Variants in STMND1 observed in about 807,000 individuals in gnomAD.
STMND1 encodes the protein stathmin domain-containing protein 1.
A neutral mutation model predicts 23.0 loss-of-function variants in STMND1; 17 were observed. The ratio of observed to expected loss-of-function variants is 0.74; its 90% confidence interval spans 0.51 to 1.11. The LOEUF (loss-of-function observed/expected upper bound fraction) is 1.11. Ranked by LOEUF, STMND1 falls within the 50% of genes least tolerant of loss-of-function variation. The pLI, the probability that STMND1 is intolerant of heterozygous loss-of-function variation, is 0.00. For synonymous variants in STMND1, 114 were observed against 119.9 expected (o/e 0.95, Z 0.32); for missense variants, 305 against 329.1 (o/e 0.93, Z 0.57).
Position 17,107,555 on chromosome 6 carries a change from G to A in STMND1, c.81+5217G>A, listed in dbSNP as rs144616263. On this transcript the variant is annotated intron_variant, in intron 1 of 4. Transcript: ENST00000536551. ...CCAAGTATCATTACCTATATAATAT[G>A]CAGGTATACTTCTTTTCTTCTTCTT... 5.4e-3 allele frequency among the ~76,000 whole-genome samples: 818 copies of A among 152,038 alleles called. 7 individuals carry two copies. The highest frequency in any genetic ancestry group is 0.018 in the African/African-American group (765 of 41,472).
At position 17,130,870 on chromosome 6, in the gene STMND1, A is replaced by G. The variant is rs1174303085; in HGVS notation, c.820A>G (p.Ile274Val). ...SDMSYNQADD[I>V]VY ...CATGTCCTACAACCAAGCAGATGAC[A>G]TAGTCTACTAAGCCATTTTTTGTGA... is the stretch of plus-strand genomic sequence containing the variant. Residue 274 changes from isoleucine to valine, a missense_variant, in exon 5 of 5, where the codon ATA becomes GTA. Coordinates refer to ENST00000536551, the MANE Select transcript of STMND1 (RefSeq NM_001190766.2). 2.6e-6 allele frequency: 4 copies of G among 1,522,300 alleles called. No homozygotes were observed. In the South Asian group the frequency reaches 3.6e-5, roughly 14 times the overall value. The allele number at this position is 1,522,300 out of a possible 1,614,324, so 94.3% of individuals were successfully genotyped here.
chr6:17,125,175 A>C (rs1761280308), intron 3 of STMND1, among the ~76,000 whole-genome samples: 1 of 150,968 alleles, frequency 6.6e-6, no homozygotes, highest in South Asian at 2.1e-4. Context: ...AAAAAAATTA[A>C]GAGTTAAAGT....
At chr6:17,121,806 C>T (rs766674571) in intron 3 of STMND1, among the ~76,000 whole-genome samples, 16 of 151,590 alleles carry the variant, frequency 1.1e-4, no homozygotes, top group East Asian at 1.9e-4. Flanking sequence ...TTTTCTTCAG[C>T]GTGAATAATA....
chr6:17,108,968 C>A (rs1761062267), intron 1 of STMND1, among the ~76,000 whole-genome samples: 2 of 151,930 alleles, frequency 1.3e-5, no homozygotes, highest in African/African-American at 4.8e-5. Flanking sequence ...ATTTCCTTTT[C>A]TTTTGTTATA....
At chr6:17,124,542 C>T (rs933424595) in intron 3 of STMND1, among the ~76,000 whole-genome samples, 3 of 152,202 alleles carry the variant, frequency 2.0e-5, no homozygotes, top group African/African-American at 7.2e-5. Context: ...CCAGTATCTC[C>T]CTAGAGGTAA....
intron 3 of STMND1, among the ~76,000 whole-genome samples, chr6:17,125,318 C>T (rs181395913): frequency 1.2e-3 from 189 of 152,196 alleles, no homozygotes; most frequent in African/African-American, 4.5e-3. Flanking sequence ...GTACACATGT[C>T]GATATGTATA....
intron 3 of STMND1, among the ~76,000 whole-genome samples, chr6:17,123,390 A>G (rs1225703382): frequency 6.6e-6 from 1 of 152,204 alleles, no homozygotes; most frequent in African/African-American, 2.4e-5. Flanking sequence ...TATTAGGCCA[A>G]GATATCCCAA....
chr6:17,121,343 A>T (rs988049544), intron 3 of STMND1, among the ~76,000 whole-genome samples: 1 of 152,222 alleles, frequency 6.6e-6, no homozygotes, highest in African/African-American at 2.4e-5. Flanking sequence ...CCAGTAAAAC[A>T]CGTATTGGGT....
intron 3 of STMND1, among the ~76,000 whole-genome samples, chr6:17,123,309 G>T (rs976391009): frequency 6.6e-6 from 1 of 152,122 alleles, no homozygotes; most frequent in African/African-American, 2.4e-5. Context: ...AATGGTTGTT[G>T]GGAACGTTCT....
intron 2 of STMND1, among the ~76,000 whole-genome samples, chr6:17,119,413 G>T (rs894475098): frequency 2.0e-5 from 3 of 152,042 alleles, no homozygotes; most frequent in Non-Finnish European, 4.4e-5. Flanking sequence ...CATTGAGATT[G>T]GAAATTTTCA....
chr6:17,113,463 T>A (rs1761119975), intron 1 of STMND1, among the ~76,000 whole-genome samples: 1 of 152,156 alleles, frequency 6.6e-6, no homozygotes, highest in Non-Finnish European at 1.5e-5. Flanking sequence ...TTACTTAAAG[T>A]CAATTCATTA....
rs186229016 is a variant in STMND1, at chr6:17,130,753, G to A, written c.703G>A (p.Gly235Arg). Reference sequence around the variant, plus strand: ...ATTTGAACCATCTGACCTGCAGGGAGGAAAACCATTGAAGAGGAAGAAGAG... The same window carrying A: ...ATTTGAACCATCTGACCTGCAGGGAAGAAAACCATTGAAGAGGAAGAAGAG... ...AGFEPSDLQG[G>R]KPLKRKKSKC... Residue 235 changes from glycine (G) to arginine (R), a missense_variant, in exon 5 of 5, where the codon GGA becomes AGA. Gly to Arg is a moderately radical substitution (Grantham distance 125). Transcript: ENST00000536551. 37 of 1,536,062 alleles carry A rather than the reference G, an allele frequency of 2.4e-5. No homozygotes were observed. In the African/African-American group the frequency reaches 3.4e-4, roughly 14 times the overall value.
intron 2 of STMND1, among the ~76,000 whole-genome samples, chr6:17,119,608 G>A (rs1761203405): frequency 6.6e-6 from 1 of 151,912 alleles, no homozygotes; most frequent in Non-Finnish European, 1.5e-5. Flanking sequence ...GCTGAGGCAG[G>A]AGAATCACTT....
intron 3 of STMND1, among the ~76,000 whole-genome samples, chr6:17,123,631 G>A (rs958211706): frequency 2.0e-5 from 3 of 152,088 alleles, no homozygotes; most frequent in African/African-American, 4.8e-5. Context: ...AACTACTGCC[G>A]TGAAGTTTCA....
chr6:17,112,136 G>T (rs773003780), intron 1 of STMND1, among the ~76,000 whole-genome samples: 1 of 152,166 alleles, frequency 6.6e-6, no homozygotes, highest in African/African-American at 2.4e-5. Flanking sequence ...GCTACCCATT[G>T]ATAGTCAATC....
intron 3 of STMND1, chr6:17,128,870 G>T (rs1395034722): frequency 8.9e-6 from 3 of 335,836 alleles, no homozygotes; most frequent in Non-Finnish European, 1.7e-5. Flanking sequence ...ACACCACCAT[G>T]CCTGGCTAAT....
At chr6:17,103,179 C>A (rs1428726825) in intron 1 of STMND1, among the ~76,000 whole-genome samples, 1 of 152,140 alleles carries the variant, frequency 6.6e-6, no homozygotes, top group African/African-American at 2.4e-5. Context: ...AATTTATCAT[C>A]AAAATTATGC....
intron 2 of STMND1, among the ~76,000 whole-genome samples, chr6:17,115,720 T>C (rs1480641016): frequency 6.6e-6 from 1 of 152,228 alleles, no homozygotes; most frequent in African/African-American, 2.4e-5. Context: ...TCATCTTATT[T>C]ATATTCGGTC....
chr6:17,104,179 C>G (rs1448418648), intron 1 of STMND1, among the ~76,000 whole-genome samples: 4 of 152,130 alleles, frequency 2.6e-5, no homozygotes, highest in African/African-American at 7.2e-5. Context: ...CTGGGACCCT[C>G]TCCTATTGGC....
Sources: gnomAD v4.1 joint callset for allele counts (sites outside exome capture counted in the v4.1 genomes callset) on GRCh38, gnomAD v4.1.1 for gene constraint, MANE v1.5 for transcripts, NCBI Gene and HGNC (gene_info 2026-07-23, HGNC 2026-07-21) for gene names.